The following UNKL variants were observed in gnomAD, a reference collection of about 807,000 sequenced individuals.
UNKL encodes the protein putative E3 ubiquitin-protein ligase UNKL.
A neutral mutation model predicts 78.0 loss-of-function variants in UNKL; 60 were observed. The observed-to-expected ratio is 0.77, with a 90% CI of 0.63 to 0.95. UNKL has a LOEUF of 0.95. Ranked by LOEUF, UNKL falls within the 40% of genes least tolerant of loss-of-function variation. UNKL has a pLI of 0.00. For synonymous variants in UNKL, 608 were observed against 474.8 expected (o/e 1.28, Z -3.65); for missense variants, 1,159 against 1,045.7 (o/e 1.11, Z -1.49).
chr16:1,367,720 C>T lies in UNKL; in HGVS notation c.1724G>A (p.Arg575Gln), dbSNP rs778197925. 2.5e-5 allele frequency: 40 copies of T among 1,580,234 alleles called. No homozygotes were observed. Among genetic ancestry groups the T allele is most frequent in the Non-Finnish European group, 3.1e-5 (36 of 1,164,062 alleles). Residue 575 changes from arginine to glutamine, a missense_variant, in exon 13 of 15, where the codon CGG becomes CAG. Transcript: ENST00000389221. ...CTTCCTCTTGGCCTCGTCCAGCTGC[C>T]GCCTGACCCGGGCCAGCTCAGCTCC... ...PNGAELARVRRQLDEAKRKIR... is the reference protein window; with the variant it reads ...PNGAELARVRQQLDEAKRKIR...
At chr16:1,401,427 A>C in intron 4 of UNKL, 141 bp downstream of exon 4, 2 of 1,126,306 alleles carry the variant, frequency 1.8e-6, no homozygotes, top group Non-Finnish European at 2.3e-6. Flanking sequence ...AGGGCTTGGT[A>C]TTGGACTCCA....
intron 6 of UNKL, among the ~76,000 whole-genome samples, chr16:1,394,937 G>A (rs929893041): frequency 2.0e-5 from 3 of 152,324 alleles, no homozygotes; most frequent in Admixed American, 6.5e-5. Flanking sequence ...GAGTGCAGTC[G>A]CAAGATCTCG....
chr16:1,367,709 C>A lies in UNKL; in HGVS notation c.1735G>T (p.Glu579Ter). ...CACTGCCGGATCTTCCTCTTGGCCT[C>A]GTCCAGCTGCCGCCTGACCCGGGCC... ...ELARVRRQLD[E>*]AKRKIRQWEE... The change falls in exon 13 of 15, where the codon GAG (glutamate) becomes TAG (stop). Residue 579 changes from glutamate (E) to a stop codon, truncating the protein, a stop_gained. Transcript: ENST00000389221. LOFTEE classifies it high-confidence loss of function. The A allele has an allele frequency of 1.3e-6, 2 of 1,581,548 alleles. No individual in the cohort carries two copies. The highest frequency in any genetic ancestry group is 1.7e-6 in the Non-Finnish European group (2 of 1,164,724).
intron 2 of UNKL, among the ~76,000 whole-genome samples, chr16:1,413,424 T>G (rs985055732): frequency 6.6e-6 from 1 of 151,898 alleles, no homozygotes; most frequent in African/African-American, 2.4e-5. Context: ...AAAAATTAGC[T>G]GGGCATGGTG....
Position 1,366,111 on chromosome 16 carries a change from G to T in UNKL, c.*129C>A. 1 of 1,166,120 alleles carries T rather than the reference G, an allele frequency of 8.6e-7. No homozygotes were observed. Among genetic ancestry groups the T allele is most frequent in the Non-Finnish European group, 1.1e-6 (1 of 876,838 alleles). 72.2% of individuals were successfully genotyped at this position (1,166,120 alleles called of 1,614,324 possible). On this transcript the variant is annotated 3_prime_UTR_variant, in exon 15 of 15. Coordinates refer to ENST00000389221, the MANE Select transcript of UNKL (RefSeq NM_001372107.1). ...GCGGGGCTCCCAGCCTCATGATAACGTGTAACAGGAAGGGCTCCCAGCCTC... is the reference window on the plus strand; with the variant it reads ...GCGGGGCTCCCAGCCTCATGATAACTTGTAACAGGAAGGGCTCCCAGCCTC...
At chr16:1,412,263 G>C (rs769651607) in intron 2 of UNKL, 1 of 152,194 alleles carries the variant, frequency 6.6e-6, no homozygotes, top group Non-Finnish European at 1.5e-5. Flanking sequence ...TAGGAACCTT[G>C]TAAAAAAAGA....
intron 10 of UNKL, among the ~76,000 whole-genome samples, chr16:1,384,478 A>G (rs1396072942): frequency 6.6e-6 from 1 of 151,842 alleles, no homozygotes; most frequent in African/African-American, 2.4e-5. Context: ...CCCTCCAACT[A>G]AAGGCCTCCC....
intron 14 of UNKL, among the ~76,000 whole-genome samples, 185 bp downstream of exon 14, chr16:1,366,907 G>GGGGAAAGGCGGCTCCCAGA (rs1466982194): frequency 6.6e-6 from 1 of 152,142 alleles, no homozygotes; most frequent in Non-Finnish European, 1.5e-5. Context: ...CGGCTCCCAG[G>GGGGAAAGGCGGCTCCCAGA]GAGACAGGCA....
chr16:1,378,616 G>C (rs745477315), intron 10 of UNKL, among the ~76,000 whole-genome samples: 25 of 152,166 alleles, frequency 1.6e-4, no homozygotes, highest in Non-Finnish European at 2.9e-4. Context: ...GACAAACTAC[G>C]GCTCGCACTC....
At chr16:1,405,400 C>T (rs1328161872) in intron 2 of UNKL, among the ~76,000 whole-genome samples, 2 of 151,712 alleles carry the variant, frequency 1.3e-5, no homozygotes, top group Non-Finnish European at 2.9e-5. Context: ...TCAAGACCAG[C>T]CTGGCTGGTC....
chr16:1,370,032 C>T, intron 12 of UNKL, 98 bp downstream of exon 12: 1 of 1,551,162 alleles, frequency 6.4e-7, no homozygotes, highest in Non-Finnish European at 8.7e-7. Flanking sequence ...AGATAGGGCA[C>T]AAGGTTCCGT....
At position 1,396,594 on chromosome 16, in the gene UNKL, C is replaced by T. The variant is rs533760306; in HGVS notation, c.852+584G>A. On this transcript the variant is annotated intron_variant, in intron 6 of 14. Coordinates refer to ENST00000389221, the MANE Select transcript of UNKL (RefSeq NM_001372107.1). The stretch of plus-strand genomic sequence containing the variant: ...CTGGCCTGAATATATATATTTTTTT[C>T]TTTTTCTTTTTTTTCCTGAGGCAGA... Among the ~76,000 whole-genome samples, 3 of 151,604 alleles carry T rather than the reference C, an allele frequency of 2.0e-5. No homozygotes were observed. In the South Asian group the frequency reaches 6.2e-4, roughly 31 times the overall value.
chr16:1,370,620 G>GC lies in UNKL; in HGVS notation c.1358-264dup, dbSNP rs754076121. On this transcript the variant is annotated intron_variant, in intron 11 of 14. Coordinates refer to ENST00000389221, the MANE Select transcript of UNKL (RefSeq NM_001372107.1). Reference sequence around the variant, plus strand: ...GTGGGGAGACGGGGGTTTAACATGGGCCCCCCCCAAAGAGGCCGGACACCC... The same window carrying GC: ...GTGGGGAGACGGGGGTTTAACATGGGCCCCCCCCCAAAGAGGCCGGACACCC... 6.2e-3 allele frequency among the ~76,000 whole-genome samples: 933 copies of GC among 151,704 alleles called. 2 individuals are homozygous for GC. The highest frequency in any genetic ancestry group is 0.02 in the East Asian group (101 of 5,168).
chr16:1,394,306 G>T, intron 6 of UNKL, 91 bp from the exon 7 acceptor site: 1 of 1,435,386 alleles, frequency 7.0e-7, no homozygotes, highest in Non-Finnish European at 9.6e-7. Context: ...AGAGGATTAA[G>T]CTCCAAATCG....
At chr16:1,393,113 G>T in intron 7 of UNKL, 137 bp from the exon 8 acceptor site, 1 of 899,950 alleles carries the variant, frequency 1.1e-6, no homozygotes, top group Non-Finnish European at 1.8e-6. Context: ...GGCAGAGGAC[G>T]GCTGGGCAGT....
At chr16:1,414,435 G>A (rs1192222272) in intron 1 of UNKL, among the ~76,000 whole-genome samples, 180 bp downstream of exon 1, 2 of 151,806 alleles carry the variant, frequency 1.3e-5, no homozygotes, top group African/African-American at 4.8e-5. Context: ...CCCAGACCAT[G>A]GGCGCCGCGC....
chr16:1,378,809 A>C (rs1377942326), intron 10 of UNKL: 2 of 151,680 alleles, frequency 1.3e-5, no homozygotes, highest in African/African-American at 2.4e-5. Flanking sequence ...AGGCTCCACC[A>C]CCCCTAGGGT....
chr16:1,395,847 C>G (rs1048342843), intron 6 of UNKL: 1 of 435,272 alleles, frequency 2.3e-6, no homozygotes, highest in South Asian at 1.6e-5. Flanking sequence ...TCACCGACAC[C>G]CAGAAAGCAT....
chr16:1,399,643 C>G lies in UNKL; in HGVS notation c.599-134G>C. 1 of 1,312,642 alleles carries G rather than the reference C, an allele frequency of 7.6e-7. No individual in the cohort carries two copies. The highest frequency in any genetic ancestry group is 1.3e-5 in the South Asian group (1 of 76,888). 81.3% of individuals were successfully genotyped at this position (1,312,642 alleles called of 1,614,324 possible). A position where few individuals can be genotyped will look rare whatever the true frequency, so the allele number is the denominator to read the frequency against. On this transcript the variant is annotated intron_variant, in intron 4 of 14. Transcript: ENST00000389221. This position sits in a 1 kb window ranked among gnomAD's most constrained non-coding sequence, Gnocchi z 5.8. ...GGAGGACTTGGGGAGCGCAGACACA[C>G]GCCACGGCACACGCTGATGTCAAAG...
Sources: gnomAD v4.1 joint callset for allele counts (sites outside exome capture counted in the v4.1 genomes callset) on GRCh38, gnomAD v4.1.1 for gene constraint, Gnocchi (gnomAD v3.1) non-coding constraint, MANE v1.5 for transcripts, NCBI Gene and HGNC (gene_info 2026-07-23, HGNC 2026-07-21) for gene names.